Variants in NEB observed in about 807,000 individuals in gnomAD.
The protein encoded by NEB is nemaline myopathy type 2.
Under a neutral mutation model 952.2 loss-of-function variants are expected in NEB, and 512 were observed. That is an observed-to-expected ratio of 0.54 (90% CI 0.50 to 0.58). The LOEUF is 0.58. Among genes scored for constraint, NEB ranks in the 20% least tolerant of loss-of-function variants. The pLI, the probability that NEB is intolerant of heterozygous loss-of-function variation, is 0.00. For missense variants in NEB, 8,428 were observed against 9,231.1 expected, an observed-to-expected ratio of 0.91 and a Z score of 3.56; for synonymous variants, 2,900 against 3,149.8, an observed-to-expected ratio of 0.92 and a Z score of 2.66.
chr2:151,709,681 T>C lies in NEB; in HGVS notation c.1010A>G (p.Lys337Arg). ...CTTGCTAGCTGCCACACCAGCTTTT[T>C]TATTCATTTTATACTCTGGTGTTTC... The part of the protein sequence containing the change: ...QTETPEYKMN[K>R]KAGVAASKVK... The change falls in exon 12 of 182, where the codon AAA becomes AGA. Residue 337 changes from lysine to arginine, a missense_variant. Physicochemically the swap from Lys to Arg is conservative, Grantham distance 26. Coordinates refer to ENST00000397345, the MANE Select transcript of NEB (RefSeq NM_001164508.2). The C allele has an allele frequency of 6.2e-7, 1 of 1,601,088 alleles. No individual in the cohort carries two copies. The highest frequency in any genetic ancestry group is 8.5e-7 in the Non-Finnish European group (1 of 1,172,842).
intron 68 of NEB, among the ~76,000 whole-genome samples, chr2:151,628,650 A>G (rs1574318787): frequency 6.6e-6 from 1 of 152,072 alleles, no homozygotes; most frequent in African/African-American, 2.4e-5. Flanking sequence ...AGACCAGCCT[A>G]GCCAACATGG....
chr2:151,625,443 CT>C, intron 71 of NEB, 90 bp downstream of exon 71: 1 of 984,348 alleles, frequency 1.0e-6, no homozygotes. Flanking sequence ...AGCTAACTGG[CT>C]TACATGAGGA....
Position 151,677,610 on chromosome 2 carries a change from G to A in NEB, c.3729C>T (p.Ser1243=), listed in dbSNP as rs2099379992. 1 of 1,613,790 alleles carries A rather than the reference G, an allele frequency of 6.2e-7. No homozygotes were observed. Among genetic ancestry groups the A allele is most frequent in the African/African-American group, 1.3e-5 (1 of 74,876 alleles). Reference sequence around the variant, plus strand: ...TCTGTTTTGCCTGGACCATAACTGGGGAGTCCACAATGCTGGTAAATTTGA... The same window carrying A: ...TCTGTTTTGCCTGGACCATAACTGGAGAGTCCACAATGCTGGTAAATTTGA... ...DTLKFTSIVD[S]PVMVQAKQNT... The change falls in exon 34 of 182, where the codon TCC becomes TCT. Residue 1243 remains serine (S), a synonymous_variant. Coordinates refer to ENST00000397345, the MANE Select transcript of NEB (RefSeq NM_001164508.2).
chr2:151,669,969 C>T (rs960777466), intron 38 of NEB, among the ~76,000 whole-genome samples: 3 of 152,152 alleles, frequency 2.0e-5, no homozygotes, highest in Admixed American at 6.5e-5. Flanking sequence ...AGAGGTACTG[C>T]ATGTGGGAGT....
In NEB at chr2:151,573,727, CCTT is replaced by C. The variant is rs562114080; in HGVS notation, c.17013+1965_17013+1967del. Among the ~76,000 whole-genome samples the C allele has an allele frequency of 4.2e-3, 637 of 152,242 alleles. 4 individuals are homozygous for C. Among genetic ancestry groups the C allele is most frequent in the Non-Finnish European group, 7.0e-3 (476 of 68,026 alleles). On this transcript the variant is annotated intron_variant, in intron 107 of 181. Coordinates refer to ENST00000397345, the MANE Select transcript of NEB (RefSeq NM_001164508.2). The stretch of plus-strand genomic sequence containing the variant: ...TTGGCAAATTGCACTAAGGTAGTAT[CCTT>C]CTTCTTCTGAGGTCATACTATTCTA...
chr2:151,716,052 G>T, intron 10 of NEB: 2 of 360,606 alleles, frequency 5.5e-6, no homozygotes, highest in Non-Finnish European at 1.1e-5. Flanking sequence ...ATGACCACTT[G>T]AAAACACCTT....
In NEB at chr2:151,505,502, C is replaced by T. The variant is rs1314056471; in HGVS notation, c.23718G>A (p.Lys7906=). 1 of 1,613,742 alleles carries T rather than the reference C, an allele frequency of 6.2e-7. No individual in the cohort carries two copies. Among genetic ancestry groups the T allele is most frequent in the South Asian group, 1.1e-5 (1 of 91,040 alleles). The change falls in exon 165 of 182, where the codon AAG becomes AAA. Residue 7906 remains lysine, a synonymous_variant. Transcript: ENST00000397345. ...IPDLPEVKRV[K]ETQKHISSVM... is the part of the protein sequence containing the mutation. ...CCGAGCTAATGTGCTTCTGCGTCTC[C>T]TTCACACGTTTCACTTCAGGCAGGT...
At chr2:151,725,314 T>C (rs950951278) in intron 6 of NEB, 139 bp downstream of exon 6, 32 of 731,040 alleles carry the variant, frequency 4.4e-5, no homozygotes, top group Non-Finnish European at 5.9e-5. Context: ...TGATCTATGG[T>C]TCATGCTTTT....
intron 125 of NEB, 87 bp from the exon 126 acceptor site, chr2:151,554,112 A>C: frequency 1.7e-5 from 21 of 1,230,312 alleles, no homozygotes; most frequent in Non-Finnish European, 2.3e-5. Context: ...TAACCAACTC[A>C]CAGCGAACAG....
chr2:151,695,632 G>A lies in NEB; in HGVS notation c.1620C>T (p.Pro540=), dbSNP rs776014034. 11 of 1,613,816 alleles carry A rather than the reference G, an allele frequency of 6.8e-6. No homozygotes were observed. Among genetic ancestry groups the A allele is most frequent in the Non-Finnish European group, 9.3e-6 (11 of 1,179,858 alleles). The change falls in exon 18 of 182, where the codon CCC becomes CCT. Residue 540 remains proline, a synonymous_variant. Coordinates refer to ENST00000397345, the MANE Select transcript of NEB (RefSeq NM_001164508.2). ...HESEKFKCHI[P]PDTPAFIQHK... is the part of the protein sequence containing the mutation. ...GCTGGATAAAAGCAGGAGTATCAGG[G>A]GGGATATGGCACTTGAACTTTTCAC... is the stretch of plus-strand genomic sequence containing the variant.
chr2:151,676,318 G>A (rs921429653), intron 34 of NEB, among the ~76,000 whole-genome samples: 4 of 152,098 alleles, frequency 2.6e-5, no homozygotes, highest in African/African-American at 9.7e-5. Context: ...CTCCTTCTCT[G>A]CCATTGCTAC....
intron 153 of NEB, 28 bp downstream of exon 153, chr2:151,524,283 G>C: frequency 3.8e-6 from 6 of 1,576,958 alleles, no homozygotes; most frequent in Non-Finnish European, 5.2e-6. Flanking sequence ...CCTCACATGA[G>C]AGCCACCAGT....
chr2:151,488,464 TAGTG>T (rs1380927003), intron 181 of NEB, among the ~76,000 whole-genome samples: 1 of 141,716 alleles, frequency 7.1e-6, no homozygotes, highest in Non-Finnish European at 1.5e-5. Context: ...CTGGGCAACA[TAGTG>T]AGCCTCTACC....
intron 165 of NEB, 114 bp from the exon 166 acceptor site, chr2:151,503,555 A>T (rs755614432): frequency 7.6e-5 from 50 of 661,846 alleles, no homozygotes; most frequent in Admixed American, 3.1e-4. Flanking sequence ...GCTCTCAAAT[A>T]TAACATTCAA....
At chr2:151,513,450 A>T in intron 160 of NEB, 130 bp downstream of exon 160, 2 of 678,796 alleles carry the variant, frequency 2.9e-6, no homozygotes, top group Non-Finnish European at 2.5e-6. Flanking sequence ...GGCTTCCTCC[A>T]GGCAGATGTT....
chr2:151,532,720 AG>A, intron 143 of NEB, among the ~76,000 whole-genome samples: 1 of 145,766 alleles, frequency 6.9e-6, no homozygotes, highest in Non-Finnish European at 1.5e-5. Flanking sequence ...TGACAAAACA[AG>A]TTGCTAAGAG....
intron 117 of NEB, 85 bp downstream of exon 117, chr2:151,564,959 C>A: frequency 1.3e-6 from 1 of 759,734 alleles, no homozygotes; most frequent in Non-Finnish European, 2.2e-6. Flanking sequence ...ATAAGTTCAG[C>A]AGTTGACAAA....
intron 30 of NEB, 97 bp downstream of exon 30, chr2:151,680,633 A>C: frequency 1.1e-6 from 1 of 899,892 alleles, no homozygotes; most frequent in Non-Finnish European, 1.7e-6. Flanking sequence ...GGGTCTCTTC[A>C]TATTGTATAA....
intron 9 of NEB, among the ~76,000 whole-genome samples, chr2:151,718,776 C>T (rs2099766299): frequency 6.6e-6 from 1 of 152,200 alleles, no homozygotes; most frequent in Admixed American, 6.5e-5. Context: ...CTTCTATCAC[C>T]TTAAAATAAG....
Sources: allele counts gnomAD v4.1 joint callset (sites outside exome capture counted in the v4.1 genomes callset), GRCh38; gene constraint gnomAD v4.1.1; transcripts MANE v1.5; gene names NCBI Gene and HGNC (gene_info 2026-07-23, HGNC 2026-07-21).